The following SMARCA4 variants were observed in gnomAD, a reference collection of about 807,000 sequenced individuals.
SMARCA4 encodes the protein SWI/SNF-related matrix-associated actin-dependent regulator of chromatin subfamily A member 4.
Under a neutral mutation model 193.9 loss-of-function variants are expected in SMARCA4, and 31 were observed. That is an observed-to-expected ratio of 0.16 (90% confidence interval 0.12 to 0.22). SMARCA4 has a LOEUF of 0.22. SMARCA4 is among the 10% of genes least tolerant of loss of function. SMARCA4 has a pLI of 1.00. For synonymous variants in SMARCA4, 942 were observed against 933.1 expected, an observed-to-expected ratio of 1.01 and a Z score of -0.17; for missense variants, 1,148 against 2,296.0, an observed-to-expected ratio of 0.50 and a Z score of 10.22.
chr19:11,029,287 G>A (rs757505161), intron 24 of SMARCA4, among the ~76,000 whole-genome samples: 27 of 152,182 alleles, frequency 1.8e-4, no homozygotes, highest in African/African-American at 4.3e-4. Context: ...CGTCTGTGTC[G>A]TGTCCCTGAC....
At chr19:11,012,588 G>C (rs553563053) in intron 15 of SMARCA4, 1 of 338,362 alleles carries the variant, frequency 3.0e-6, no homozygotes. Flanking sequence ...AGCCCTCTTG[G>C]TTTCCTGAGT....
chr19:10,979,723 A>G (rs1568410078), intron 1 of SMARCA4, among the ~76,000 whole-genome samples: 2 of 150,622 alleles, frequency 1.3e-5, no homozygotes, highest in Non-Finnish European at 3.0e-5. Flanking sequence ...TGTATATTAT[A>G]TAATATATGT....
At chr19:10,977,867 G>A (rs1396161430) in intron 1 of SMARCA4, 1 of 152,380 alleles carries the variant, frequency 6.6e-6, no homozygotes, top group African/African-American at 2.4e-5. Context: ...GGAGCCACAG[G>A]GAGGTTACCC....
intron 34 of SMARCA4, among the ~76,000 whole-genome samples, chr19:11,060,865 GGGAATTA>G (rs1263910826): frequency 6.6e-6 from 1 of 152,190 alleles, no homozygotes; most frequent in African/African-American, 2.4e-5. Flanking sequence ...TTCAGTGCCT[GGGAATTA>G]GTCTGACGAA....
At chr19:11,038,074 G>A (rs1000952144) in intron 29 of SMARCA4, among the ~76,000 whole-genome samples, 19 of 152,216 alleles carry the variant, frequency 1.2e-4, no homozygotes, top group African/African-American at 4.6e-4. Context: ...ACATGGCCAT[G>A]ACTGTGGCAG....
In SMARCA4 at chr19:10,961,887, A is replaced by G. The variant is rs529401833; in HGVS notation, c.-32+713A>G. Among the ~76,000 whole-genome samples the G allele has an allele frequency of 7.9e-5, 12 of 151,262 alleles. 1 individual carries two copies. Among genetic ancestry groups the G allele is most frequent in the African/African-American group, 2.4e-4 (10 of 41,186 alleles). On this transcript the variant is annotated intron_variant, in intron 1 of 34. Transcript: ENST00000344626. ...TTTGCATCCTTTTTTCTCCTTCCCA[A>G]TTGGTTTTTCAGATTAAGGCTTTTA...
chr19:10,979,000 C>G (rs2085355258), intron 1 of SMARCA4, among the ~76,000 whole-genome samples: 1 of 151,928 alleles, frequency 6.6e-6, no homozygotes, highest in African/African-American at 2.4e-5. Context: ...AGTAAGCATA[C>G]AGAAAGGTGC....
Position 10,986,547 on chromosome 19 carries a change from C to G in SMARCA4, c.714C>G (p.Pro238=), listed in dbSNP as rs995632376. 3 of 1,539,358 alleles carry G rather than the reference C, an allele frequency of 1.9e-6. No individual in the cohort carries two copies. Among genetic ancestry groups the G allele is most frequent in the Non-Finnish European group, 2.6e-6 (3 of 1,146,366 alleles). ...CCGGCCCTGGCCCTGGCCCTGGCCC[C>G]GGCCCGGGTCCCGGCCCGGCACCTC... ...TGPGPGPGPG[P]GPGPGPAPPN... Residue 238 remains proline (P), a synonymous_variant, in exon 4 of 35, where the codon CCC becomes CCG. Transcript: ENST00000344626. This position sits in a 1 kb window ranked among gnomAD's most constrained non-coding sequence, Gnocchi z 6.7.
At chr19:10,992,420 AT>A (rs927402603) in intron 8 of SMARCA4, among the ~76,000 whole-genome samples, 3,726 of 118,544 alleles carry the variant, frequency 0.031, 38 homozygotes, top group Non-Finnish European at 0.039. Context: ...CCTGGCCAAC[AT>A]TTTTTTTTTT....
rs2145982402 is a variant in SMARCA4 at position 10,996,558 on chromosome 19, G to A, written c.1812+14G>A. 1 of 1,613,488 alleles carries A rather than the reference G, an allele frequency of 6.2e-7. No homozygotes were observed. The highest frequency in any genetic ancestry group is 8.5e-7 in the Non-Finnish European group (1 of 1,179,404). On this transcript the variant is annotated intron_variant, in intron 11 of 34. Transcript: ENST00000344626. Reference sequence around the variant, plus strand: ...CCGGATGGCGAGGTGAGGAAGCAGGGTTTCTTGTGGAAGTATCAAGCTAGC... The same window carrying A: ...CCGGATGGCGAGGTGAGGAAGCAGGATTTCTTGTGGAAGTATCAAGCTAGC...
intron 14 of SMARCA4, among the ~76,000 whole-genome samples, chr19:11,009,299 C>T (rs947691968): frequency 2.2e-4 from 33 of 151,780 alleles, no homozygotes; most frequent in Non-Finnish European, 1.0e-4. Context: ...GGATTACAGG[C>T]GTGAGCCACC....
At position 10,986,706 on chromosome 19, in the gene SMARCA4, C is replaced by T; in HGVS notation, c.760+113C>T. 6.8e-7 allele frequency: 1 copy of T among 1,466,996 alleles called. No homozygotes were observed. The highest frequency in any genetic ancestry group is 1.2e-5 in the South Asian group (1 of 81,472). 90.9% of individuals were successfully genotyped at this position (1,466,996 alleles called of 1,614,324 possible). A position where few individuals can be genotyped will look rare whatever the true frequency, so the allele number is the denominator to read the frequency against. ...GACTGGGTTCCCCGGTTTGGGATTGCACGGGCCCATACTGCACTTCTGGGT... is the reference window on the plus strand; with the variant it reads ...GACTGGGTTCCCCGGTTTGGGATTGTACGGGCCCATACTGCACTTCTGGGT... On this transcript the variant is annotated intron_variant, in intron 4 of 34. Coordinates refer to ENST00000344626, the MANE Select transcript of SMARCA4 (RefSeq NM_003072.5). This position sits in a 1 kb window ranked among gnomAD's most constrained non-coding sequence, Gnocchi z 6.7.
chr19:11,024,281 C>T (rs2146468687), intron 20 of SMARCA4, 50 bp from the exon 21 acceptor site: 1 of 1,330,036 alleles, frequency 7.5e-7, no homozygotes, highest in Non-Finnish European at 1.1e-6. Flanking sequence ...TGGGGGGAGT[C>T]AGGCCTCAAG....
Position 10,985,617 on chromosome 19 carries a change from C to T in SMARCA4, c.355+212C>T, listed in dbSNP as rs1217632390. Among the ~76,000 whole-genome samples the T allele has an allele frequency of 6.6e-6, 1 of 152,158 alleles. No individual in the cohort carries two copies. The highest frequency in any genetic ancestry group is 2.4e-5 in the African/African-American group (1 of 41,448). The stretch of plus-strand genomic sequence containing the variant: ...CGGAGCAGCCCTGGAAGGGGAAATG[C>T]TGGTTGGGGGGCAGACCATGTTCAG... On this transcript the variant is annotated intron_variant, in intron 3 of 34. Coordinates refer to ENST00000344626, the MANE Select transcript of SMARCA4 (RefSeq NM_003072.5). The surrounding 1 kb of genome is among the most constrained non-coding windows in gnomAD (Gnocchi z 4.5).
At chr19:10,998,569 C>T (rs956043963) in intron 11 of SMARCA4, among the ~76,000 whole-genome samples, 1 of 149,982 alleles carries the variant, frequency 6.7e-6, no homozygotes, top group Non-Finnish European at 1.5e-5. Flanking sequence ...CTTTTATTTC[C>T]ATCGTTCTTT....
intron 1 of SMARCA4, among the ~76,000 whole-genome samples, chr19:10,966,066 T>G (rs1372978459): frequency 1.5e-5 from 2 of 134,272 alleles, no homozygotes; most frequent in African/African-American, 5.5e-5. Context: ...CACTGCAACA[T>G]CCGACTGCAG....
chr19:11,033,563 A>G lies in SMARCA4; in HGVS notation c.3774+46A>G, dbSNP rs2075072593. On this transcript the variant is annotated intron_variant, in intron 26 of 34. Transcript: ENST00000344626. This position sits in a 1 kb window ranked among gnomAD's most constrained non-coding sequence, Gnocchi z 9.8. ...GACCCCTCCCCAGCGTGAATGGTGG[A>G]CGCGTGAGCGGCTTTCATTTTTGTT... is the stretch of plus-strand genomic sequence containing the variant. The G allele has an allele frequency of 1.4e-6, 2 of 1,450,768 alleles. No individual in the cohort carries two copies. Among genetic ancestry groups the G allele is most frequent in the Non-Finnish European group, 1.9e-6 (2 of 1,032,066 alleles). The allele number at this position is 1,450,768 out of a possible 1,614,324, so 89.9% of individuals were successfully genotyped here. A position where few individuals can be genotyped will look rare whatever the true frequency, so the allele number is the denominator to read the frequency against.
intron 30 of SMARCA4, among the ~76,000 whole-genome samples, chr19:11,050,045 G>A (rs1452914459): frequency 1.3e-5 from 2 of 152,196 alleles, no homozygotes; most frequent in African/African-American, 4.8e-5. Context: ...GTTTCGGTGA[G>A]CCAAGATTGC....
At chr19:10,966,886 T>G (rs1330696914) in intron 1 of SMARCA4, among the ~76,000 whole-genome samples, 1 of 130,982 alleles carries the variant, frequency 7.6e-6, no homozygotes, top group Non-Finnish European at 1.6e-5. Flanking sequence ...AGACTACGTC[T>G]CTACAAAAGA....
Sources: allele counts gnomAD v4.1 joint callset (sites outside exome capture counted in the v4.1 genomes callset), GRCh38; gene constraint gnomAD v4.1.1; non-coding constraint Gnocchi (gnomAD v3.1); transcripts MANE v1.5; gene names NCBI Gene and HGNC (gene_info 2026-07-23, HGNC 2026-07-21).